The following EPHA3 variants were observed in gnomAD, a reference collection of about 807,000 sequenced individuals.
The protein encoded by EPHA3 is EPH receptor A3.
A neutral mutation model predicts 107.1 loss-of-function variants in EPHA3; 42 were observed. The ratio of observed to expected loss-of-function variants is 0.39; its 90% CI spans 0.31 to 0.51. The LOEUF (loss-of-function observed/expected upper bound fraction) is 0.51. Ranked by LOEUF, EPHA3 falls within the 20% of genes least tolerant of loss-of-function variation. The pLI, the probability that EPHA3 is intolerant of heterozygous loss-of-function variation, is 0.78. For synonymous variants in EPHA3, 461 were observed against 424.8 expected (o/e 1.09, Z -1.05); for missense variants, 1,183 against 1,211.2 (o/e 0.98, Z 0.35).
At chr3:89,379,070 A>G (rs1414894168) in intron 5 of EPHA3, among the ~76,000 whole-genome samples, 2 of 152,206 alleles carry the variant, frequency 1.3e-5, no homozygotes, top group Non-Finnish European at 2.9e-5. Context: ...TCAGGCCACA[A>G]GCATCATGGA....
intron 3 of EPHA3, among the ~76,000 whole-genome samples, chr3:89,221,244 CCT>C (rs1025093439): frequency 6.6e-6 from 1 of 152,122 alleles, no homozygotes; most frequent in Non-Finnish European, 1.5e-5. Context: ...TTCATTGTGT[CCT>C]CTCTCTGGGA....
intron 2 of EPHA3, among the ~76,000 whole-genome samples, chr3:89,203,869 C>T (rs1333443191): frequency 6.6e-6 from 1 of 152,148 alleles, no homozygotes; most frequent in East Asian, 1.9e-4. Flanking sequence ...CAGGTCTTCT[C>T]TCAGTCTAGG....
chr3:89,178,462 T>C (rs13058886), intron 2 of EPHA3, among the ~76,000 whole-genome samples: 21,821 of 151,936 alleles, frequency 0.14, 1,722 homozygotes, highest in African/African-American at 0.22. Flanking sequence ...TTATATGTCA[T>C]AGCAAAGATG....
At chr3:89,391,553 G>A (rs1576354000) in intron 5 of EPHA3, among the ~76,000 whole-genome samples, 1 of 148,730 alleles carries the variant, frequency 6.7e-6, no homozygotes, top group Non-Finnish European at 1.5e-5. Flanking sequence ...TCAGCCTCCC[G>A]AATAGCTGGG....
chr3:89,122,808 C>A (rs1268933571), intron 1 of EPHA3, among the ~76,000 whole-genome samples: 2 of 152,144 alleles, frequency 1.3e-5, no homozygotes, highest in Non-Finnish European at 2.9e-5. Flanking sequence ...CTTTTAGTAA[C>A]TGAGAATTTG....
intron 2 of EPHA3, among the ~76,000 whole-genome samples, chr3:89,134,808 A>G (rs1704279272): frequency 6.6e-6 from 1 of 152,160 alleles, no homozygotes; most frequent in South Asian, 2.1e-4. Context: ...AGTTGTCTCC[A>G]CTGCTTTACA....
At chr3:89,142,361 C>A (rs1435205507) in intron 2 of EPHA3, among the ~76,000 whole-genome samples, 5 of 151,274 alleles carry the variant, frequency 3.3e-5, no homozygotes, top group Non-Finnish European at 7.4e-5. Flanking sequence ...TAATCTGTTA[C>A]TAGATCAGGG....
chr3:89,162,439 A>G (rs1704971133), intron 2 of EPHA3, among the ~76,000 whole-genome samples: 1 of 152,188 alleles, frequency 6.6e-6, no homozygotes. Context: ...TTGTTCTTTG[A>G]GGATCTGATT....
chr3:89,201,606 C>G (rs972561160), intron 2 of EPHA3, among the ~76,000 whole-genome samples: 1 of 152,180 alleles, frequency 6.6e-6, no homozygotes, highest in Non-Finnish European at 1.5e-5. Context: ...ATTCTGACCA[C>G]TGTCTCGCAG....
chr3:89,191,707 A>G (rs1449918217), intron 2 of EPHA3, among the ~76,000 whole-genome samples: 1 of 152,142 alleles, frequency 6.6e-6, no homozygotes, highest in Non-Finnish European at 1.5e-5. Flanking sequence ...TAATTGGTAG[A>G]TATATTGTTC....
At chr3:89,174,869 A>G (rs1705286112) in intron 2 of EPHA3, among the ~76,000 whole-genome samples, 1 of 151,986 alleles carries the variant, frequency 6.6e-6, no homozygotes, top group African/African-American at 2.4e-5. Context: ...TTAAAAATCA[A>G]ATCAAATTTG....
intron 5 of EPHA3, among the ~76,000 whole-genome samples, chr3:89,353,709 T>A (rs894497063): frequency 1.3e-5 from 2 of 151,292 alleles, no homozygotes; most frequent in African/African-American, 4.8e-5. Flanking sequence ...GGAGGCACAT[T>A]GCGTAACTGT....
chr3:89,328,209 A>G, intron 3 of EPHA3, among the ~76,000 whole-genome samples: 1 of 152,174 alleles, frequency 6.6e-6, no homozygotes, highest in East Asian at 1.9e-4. Context: ...TGGAACATAA[A>G]ATGCTTTATT....
intron 5 of EPHA3, among the ~76,000 whole-genome samples, chr3:89,357,489 C>T (rs145319031): frequency 8.5e-4 from 128 of 151,092 alleles, no homozygotes; most frequent in African/African-American, 2.9e-3. Context: ...ATTTGTTTAG[C>T]TTATCACGCT....
intron 3 of EPHA3, among the ~76,000 whole-genome samples, chr3:89,294,798 T>G (rs1706305167): frequency 6.6e-6 from 1 of 152,208 alleles, no homozygotes; most frequent in East Asian, 1.9e-4. Context: ...GAGTTGATTT[T>G]GACTGATTGG....
intron 3 of EPHA3, among the ~76,000 whole-genome samples, chr3:89,259,265 G>T (rs1195053555): frequency 6.6e-6 from 1 of 152,108 alleles, no homozygotes; most frequent in Non-Finnish European, 1.5e-5. Flanking sequence ...TGCAGGGACA[G>T]GCCATCCTTG....
chr3:89,184,314 A>G (rs1344579005), intron 2 of EPHA3, among the ~76,000 whole-genome samples: 1 of 152,018 alleles, frequency 6.6e-6, no homozygotes, highest in Non-Finnish European at 1.5e-5. Flanking sequence ...GCCCCTGTAG[A>G]GTAATGGTAT....
intron 9 of EPHA3, among the ~76,000 whole-genome samples, chr3:89,412,934 T>C (rs2107521687): frequency 6.6e-6 from 1 of 151,908 alleles, no homozygotes. Context: ...GGTTCCTTTA[T>C]ATAATTCATC....
chr3:89,227,300 T>C (rs1704525032), intron 3 of EPHA3, among the ~76,000 whole-genome samples: 1 of 152,036 alleles, frequency 6.6e-6, no homozygotes, highest in African/African-American at 2.4e-5. Context: ...CAAAATTTCT[T>C]TGAGAAACAA....
Sources: allele counts gnomAD v4.1 joint callset (sites outside exome capture counted in the v4.1 genomes callset), GRCh38; gene constraint gnomAD v4.1.1; transcripts MANE v1.5; gene names NCBI Gene and HGNC (gene_info 2026-07-23, HGNC 2026-07-21).